Variants in NRXN1 observed in about 807,000 individuals in gnomAD.
The protein encoded by NRXN1 is neurexin-1.
NRXN1 carries 39 observed loss-of-function variants against 150.9 expected under a neutral mutation model. The ratio of observed to expected loss-of-function variants is 0.26; its 90% CI spans 0.20 to 0.34. The LOEUF is 0.34. Ranked by LOEUF, NRXN1 falls within the 10% of genes least tolerant of loss-of-function variation. The pLI, the probability that NRXN1 is intolerant of heterozygous loss-of-function variation, is 1.00. For synonymous variants in NRXN1, 924 were observed against 757.0 expected (o/e 1.22, Z -3.62); for missense variants, 1,815 against 1,949.9 (o/e 0.93, Z 1.30).
intron 17 of NRXN1, among the ~76,000 whole-genome samples, chr2:50,328,650 C>T (rs931028129): frequency 5.3e-5 from 8 of 152,088 alleles, no homozygotes; most frequent in African/African-American, 1.4e-4. Flanking sequence ...GCAGGAAAAT[C>T]GTTTGAAACC....
At chr2:50,384,525 A>T (rs1001286861) in intron 17 of NRXN1, among the ~76,000 whole-genome samples, 33 of 147,192 alleles carry the variant, frequency 2.2e-4, no homozygotes, top group African/African-American at 6.1e-4. Context: ...AAAAAAAAAA[A>T]AAAAAAAAAA....
At chr2:50,084,145 C>A (rs899997858) in intron 19 of NRXN1, among the ~76,000 whole-genome samples, 4 of 152,216 alleles carry the variant, frequency 2.6e-5, no homozygotes, top group Non-Finnish European at 5.9e-5. Context: ...TCTCCAAGTC[C>A]CCACCAAACT....
intron 17 of NRXN1, among the ~76,000 whole-genome samples, chr2:50,401,190 C>T (rs1307725674): frequency 6.6e-6 from 1 of 152,124 alleles, no homozygotes; most frequent in Non-Finnish European, 1.5e-5. Flanking sequence ...CATTCACACT[C>T]AATGTGGGAA....
intron 18 of NRXN1, among the ~76,000 whole-genome samples, chr2:50,163,459 T>G (rs2059489412): frequency 6.6e-6 from 1 of 152,112 alleles, no homozygotes; most frequent in African/African-American, 2.4e-5. Context: ...GATAATCAAT[T>G]TAAAGGTTAT....
intron 18 of NRXN1, among the ~76,000 whole-genome samples, chr2:50,183,644 A>G (rs2152814129): frequency 6.7e-6 from 1 of 150,274 alleles, no homozygotes; most frequent in South Asian, 2.1e-4. Context: ...CAATATCTAA[A>G]AGTGTTTCTG....
intron 15 of NRXN1, among the ~76,000 whole-genome samples, chr2:50,495,198 G>A (rs1201821271): frequency 6.6e-6 from 1 of 152,144 alleles, no homozygotes; most frequent in East Asian, 1.9e-4. Context: ...ATCACAAAAT[G>A]TGATTCAAAT....
In NRXN1 at chr2:50,042,529, C is replaced by T. The variant is rs141713698; in HGVS notation, c.4128+10742G>A. On this transcript the variant is annotated intron_variant, in intron 21 of 22. Transcript: ENST00000401669. ...TCCTTATAAATTATCCAGTCTTGGG[C>T]CTGTCCTTATAGCAGCGTGGGAATG... 5.6e-3 allele frequency among the ~76,000 whole-genome samples: 850 copies of T among 152,276 alleles called. 6 individuals carry two copies. The highest frequency in any genetic ancestry group is 0.019 in the African/African-American group (793 of 41,552).
intron 16 of NRXN1, among the ~76,000 whole-genome samples, chr2:50,471,244 C>G (rs1163912110): frequency 6.6e-6 from 1 of 151,634 alleles, no homozygotes; most frequent in Non-Finnish European, 1.5e-5. Context: ...TTTCATCATT[C>G]AATCCCCTTC....
At chr2:50,170,166 T>C (rs72887703) in intron 18 of NRXN1, among the ~76,000 whole-genome samples, 9,174 of 150,462 alleles carry the variant, frequency 0.061, 923 homozygotes, top group African/African-American at 0.22. Flanking sequence ...CACACACACA[T>C]ATGTACACTC....
chr2:50,338,942 T>G (rs931760751), intron 17 of NRXN1, among the ~76,000 whole-genome samples: 4 of 152,148 alleles, frequency 2.6e-5, no homozygotes, highest in Non-Finnish European at 5.9e-5. Flanking sequence ...TTATCTGTTT[T>G]AAGTAGCATT....
At chr2:50,102,614 T>TACAG (rs1701123039) in intron 18 of NRXN1, among the ~76,000 whole-genome samples, 1 of 152,044 alleles carries the variant, frequency 6.6e-6, no homozygotes, top group Non-Finnish European at 1.5e-5. Context: ...CTGTAGCATA[T>TACAG]ACAGCATGCT....
chr2:51,017,982 A>G (rs1668996248), intron 2 of NRXN1, among the ~76,000 whole-genome samples: 1 of 152,072 alleles, frequency 6.6e-6, no homozygotes, highest in African/African-American at 2.4e-5. Context: ...CTTAGAAGAA[A>G]AAACATGAGT....
chr2:50,887,906 T>C (rs755232718), intron 5 of NRXN1, among the ~76,000 whole-genome samples: 2 of 150,432 alleles, frequency 1.3e-5, no homozygotes, highest in Middle Eastern at 3.2e-3. Context: ...AATTGTAAAA[T>C]AGTTATTTTT....
chr2:50,309,923 A>G (rs542131674), intron 17 of NRXN1, among the ~76,000 whole-genome samples: 6 of 152,216 alleles, frequency 3.9e-5, no homozygotes, highest in South Asian at 2.1e-4. Context: ...AATGGACCTC[A>G]TAACATGTCA....
intron 2 of NRXN1, among the ~76,000 whole-genome samples, chr2:50,980,059 T>A (rs559381285): frequency 6.6e-6 from 1 of 152,240 alleles, no homozygotes; most frequent in East Asian, 1.9e-4. Flanking sequence ...GATTTGCATA[T>A]CGTTCTCTTA....
chr2:50,811,430 G>T (rs1242791074), intron 5 of NRXN1, among the ~76,000 whole-genome samples: 1 of 152,150 alleles, frequency 6.6e-6, no homozygotes, highest in East Asian at 1.9e-4. Flanking sequence ...AAAGAATCAA[G>T]ATACACACTT....
In NRXN1 at chr2:49,926,996, C is replaced by T. The variant is rs141796913; in HGVS notation, c.4217-4745G>A. Among the ~76,000 whole-genome samples, 82 of 152,330 alleles carry T rather than the reference C, an allele frequency of 5.4e-4. 2 individuals carry two copies. The East Asian group carries it at 0.015, about 28-fold the overall frequency. ...CCTTCTTTATTGCCTCTGTGCCTTGCTCTTCCAGCTCCTGAATTATCCTTG... is the reference window on the plus strand; with the variant it reads ...CCTTCTTTATTGCCTCTGTGCCTTGTTCTTCCAGCTCCTGAATTATCCTTG... On this transcript the variant is annotated intron_variant, in intron 22 of 22. Transcript: ENST00000401669.
At chr2:50,486,101 C>A (rs965280586) in intron 15 of NRXN1, among the ~76,000 whole-genome samples, 1 of 152,154 alleles carries the variant, frequency 6.6e-6, no homozygotes, top group African/African-American at 2.4e-5. Flanking sequence ...AAAACCTTAA[C>A]ACAATACATT....
At chr2:50,969,376 T>A (rs960769076) in intron 2 of NRXN1, among the ~76,000 whole-genome samples, 2 of 152,156 alleles carry the variant, frequency 1.3e-5, no homozygotes, top group Non-Finnish European at 2.9e-5. Flanking sequence ...CATCTTTGTA[T>A]CTCAAATGTC....
Sources: allele counts gnomAD v4.1 joint callset (sites outside exome capture counted in the v4.1 genomes callset), GRCh38; gene constraint gnomAD v4.1.1; transcripts MANE v1.5; gene names NCBI Gene and HGNC (gene_info 2026-07-23, HGNC 2026-07-21).